The following PGM5 variants were observed in gnomAD, a reference collection of about 807,000 sequenced individuals.
The protein encoded by PGM5 is phosphoglucomutase 5.
A neutral mutation model predicts 59.2 loss-of-function variants in PGM5; 23 were observed. The observed-to-expected ratio is 0.39, with a 90% CI of 0.28 to 0.55. The LOEUF is 0.55. PGM5 is among the 20% of genes least tolerant of loss of function. The pLI is 0.66. For synonymous variants in PGM5, 214 were observed against 286.0 expected, an observed-to-expected ratio of 0.75 and a Z score of 2.54; for missense variants, 574 against 748.3, an observed-to-expected ratio of 0.77 and a Z score of 2.72.
chr9:68,527,346 C>T (rs1202323407), intron 10 of PGM5, among the ~76,000 whole-genome samples: 1 of 152,136 alleles, frequency 6.6e-6, no homozygotes, highest in Non-Finnish European at 1.5e-5. Flanking sequence ...CCCTCTAAAA[C>T]CTCAGCTAAA....
chr9:68,455,130 A>G (rs1823753572), intron 6 of PGM5, among the ~76,000 whole-genome samples: 1 of 152,222 alleles, frequency 6.6e-6, no homozygotes, highest in Non-Finnish European at 1.5e-5. Flanking sequence ...ATTTGGCTTC[A>G]TAGGAAACAG....
intron 10 of PGM5, among the ~76,000 whole-genome samples, chr9:68,527,166 C>T (rs562141634): frequency 3.3e-5 from 5 of 152,262 alleles, no homozygotes; most frequent in African/African-American, 9.6e-5. Flanking sequence ...CTTGCTTCCC[C>T]GCCCTTTTGC....
intron 2 of PGM5, among the ~76,000 whole-genome samples, chr9:68,383,740 T>TAAAAAAAAAAA (rs61055122): frequency 9.4e-6 from 1 of 106,298 alleles, no homozygotes; most frequent in Non-Finnish European, 1.9e-5. Flanking sequence ...ATATACAAGG[T>TAAAAAAAAAAA]AAAAAAAAAA....
chr9:68,424,937 C>T (rs1385349979), intron 6 of PGM5, among the ~76,000 whole-genome samples: 2 of 152,174 alleles, frequency 1.3e-5, no homozygotes, highest in African/African-American at 4.8e-5. Flanking sequence ...TGACCTCCTT[C>T]TTCCTTTCTC....
chr9:68,439,177 A>T (rs1823487275), intron 6 of PGM5, among the ~76,000 whole-genome samples: 1 of 151,986 alleles, frequency 6.6e-6, no homozygotes, highest in Non-Finnish European at 1.5e-5. Flanking sequence ...AGCCTAGGCA[A>T]CAAAGTGAGA....
chr9:68,461,487 T>C (rs1823858050), intron 6 of PGM5, among the ~76,000 whole-genome samples: 2 of 152,208 alleles, frequency 1.3e-5, no homozygotes, highest in South Asian at 2.1e-4. Context: ...AATATTCATG[T>C]TGGAACTTCA....
intron 10 of PGM5, among the ~76,000 whole-genome samples, chr9:68,524,419 G>C (rs1824942800): frequency 6.6e-6 from 1 of 152,152 alleles, no homozygotes. Context: ...TTTGGAGCAA[G>C]ATAAGCGTTC....
At chr9:68,474,006 C>A (rs1387254130) in intron 7 of PGM5, among the ~76,000 whole-genome samples, 1 of 152,046 alleles carries the variant, frequency 6.6e-6, no homozygotes, top group African/African-American at 2.4e-5. Context: ...AGGCATTCTG[C>A]CCCAAACATG....
intron 1 of PGM5, among the ~76,000 whole-genome samples, chr9:68,362,010 T>A (rs1834588612): frequency 6.6e-6 from 1 of 151,468 alleles, no homozygotes; most frequent in Non-Finnish European, 1.5e-5. Context: ...AGTTATATTC[T>A]GTATCAATAT....
At chr9:68,492,655 G>C (rs1554687935) in intron 9 of PGM5, among the ~76,000 whole-genome samples, 2 of 152,146 alleles carry the variant, frequency 1.3e-5, no homozygotes, top group Non-Finnish European at 2.9e-5. Flanking sequence ...ATCCATGCTG[G>C]GGGTAGAGGG....
At chr9:68,471,962 C>T (rs1440015730) in intron 7 of PGM5, among the ~76,000 whole-genome samples, 3 of 138,882 alleles carry the variant, frequency 2.2e-5, no homozygotes, top group Non-Finnish European at 4.7e-5. Context: ...TCCTATCTGC[C>T]TTGGTGACAA....
At chr9:68,418,318 A>T (rs898779349) in intron 6 of PGM5, among the ~76,000 whole-genome samples, 1 of 152,144 alleles carries the variant, frequency 6.6e-6, no homozygotes, top group East Asian at 1.9e-4. Flanking sequence ...AATTAGCCCC[A>T]TGGGGTTTCT....
intron 6 of PGM5, chr9:68,405,748 AC>A: frequency 6.6e-6 from 1 of 151,320 alleles, no homozygotes; most frequent in Non-Finnish European, 1.5e-5. Context: ...TTTTCCAAAA[AC>A]CTTTTTTAGC....
chr9:68,473,955 C>T (rs1824062492), intron 7 of PGM5, among the ~76,000 whole-genome samples: 1 of 152,046 alleles, frequency 6.6e-6, no homozygotes, highest in Admixed American at 6.6e-5. Context: ...CTTAGCACCA[C>T]ATTCAAGCAA....
At chr9:68,435,938 C>T (rs990503662) in intron 6 of PGM5, among the ~76,000 whole-genome samples, 4 of 152,194 alleles carry the variant, frequency 2.6e-5, no homozygotes, top group Admixed American at 6.5e-5. Flanking sequence ...TTGTTAGTAA[C>T]TTGGTGAACT....
At chr9:68,458,101 G>T (rs1482225267) in intron 6 of PGM5, among the ~76,000 whole-genome samples, 13 of 152,188 alleles carry the variant, frequency 8.5e-5, no homozygotes, top group Admixed American at 5.2e-4. Flanking sequence ...ACAGACAGTT[G>T]TTAATTCCCC....
intron 10 of PGM5, among the ~76,000 whole-genome samples, chr9:68,513,892 C>A (rs1352511139): frequency 1.3e-5 from 2 of 152,190 alleles, no homozygotes; most frequent in Non-Finnish European, 2.9e-5. Context: ...CTGGCTCTGA[C>A]TCATATCAGC....
chr9:68,376,883 T>TCTTTC (rs1563985047), intron 1 of PGM5, among the ~76,000 whole-genome samples: 1 of 112,358 alleles, frequency 8.9e-6, no homozygotes, highest in African/African-American at 3.4e-5. Flanking sequence ...TCTTTCTTTC[T>TCTTTC]TTTTTTCTTT....
At chr9:68,519,658 A>T (rs1349322113) in intron 10 of PGM5, among the ~76,000 whole-genome samples, 3 of 151,852 alleles carry the variant, frequency 2.0e-5, no homozygotes, top group East Asian at 1.9e-4. Flanking sequence ...TAATAAAAAA[A>T]AATTAAAAAA....
Sources: gnomAD v4.1 joint callset for allele counts (sites outside exome capture counted in the v4.1 genomes callset) on GRCh38, gnomAD v4.1.1 for gene constraint, MANE v1.5 for transcripts, NCBI Gene and HGNC (gene_info 2026-07-23, HGNC 2026-07-21) for gene names.